AKR1C8: variants seen among roughly 807,000 people sequenced by gnomAD.
The protein encoded by AKR1C8 is aldo-keto reductase family 1 member C-like protein 1.
the AKR1C8 span, among the ~76,000 whole-genome samples, chr10:5,180,751 G>A: frequency 1.1e-4 from 16 of 152,210 alleles, no homozygotes; most frequent in Non-Finnish European, 1.6e-4. Context: ...TGCTGTGCTA[G>A]CAATCAGCTA....
chr10:5,132,509 A>T, the AKR1C8 span: 1 of 1,214,186 alleles, frequency 8.2e-7, no homozygotes, highest in Non-Finnish European at 1.1e-6. Context: ...CAATAAGCAC[A>T]ATTCACCCAC....
At chr10:5,170,483 T>A in the AKR1C8 span, among the ~76,000 whole-genome samples, 5 of 152,100 alleles carry the variant, frequency 3.3e-5, no homozygotes, top group African/African-American at 1.2e-4. Context: ...TGATGGAACT[T>A]TGTTCCATAG....
chr10:5,155,832 A>AGGAGGC, the AKR1C8 span: 2 of 405,158 alleles, frequency 4.9e-6, no homozygotes, highest in Non-Finnish European at 1.0e-5. Context: ...AGGACTTTCC[A>AGGAGGC]GGAGGCAGAG....
the AKR1C8 span, among the ~76,000 whole-genome samples, chr10:5,178,690 A>T: frequency 6.6e-6 from 1 of 152,128 alleles, no homozygotes; most frequent in African/African-American, 2.4e-5. Context: ...TATATTTAGG[A>T]TAGTTAGGTC....
At chr10:5,171,202 T>C in the AKR1C8 span, among the ~76,000 whole-genome samples, 19 of 152,180 alleles carry the variant, frequency 1.2e-4, no homozygotes, top group South Asian at 4.1e-4. Flanking sequence ...AGAGTACCTG[T>C]TAGAGCTTTA....
At chr10:5,167,403 G>C in the AKR1C8 span, among the ~76,000 whole-genome samples, 2 of 152,190 alleles carry the variant, frequency 1.3e-5, no homozygotes, top group Admixed American at 1.3e-4. Flanking sequence ...AACAATGATA[G>C]ACTGGATTAA....
At chr10:5,120,430 T>C in the AKR1C8 span, among the ~76,000 whole-genome samples, 1 of 152,192 alleles carries the variant, frequency 6.6e-6, no homozygotes, top group Non-Finnish European at 1.5e-5. Context: ...TACTGTTTGA[T>C]TACTTGTAGG....
chr10:5,144,016 C>A, the AKR1C8 span, among the ~76,000 whole-genome samples: 2 of 152,022 alleles, frequency 1.3e-5, no homozygotes, highest in South Asian at 2.1e-4. Flanking sequence ...TTGCAAAAGG[C>A]CAGGAAATTG....
chr10:5,171,261 A>G, the AKR1C8 span, among the ~76,000 whole-genome samples: 2 of 152,034 alleles, frequency 1.3e-5, no homozygotes, highest in Admixed American at 1.3e-4. Context: ...CAAGGCAACA[A>G]TTGCTTATGG....
chr10:5,139,843 A>T, the AKR1C8 span, among the ~76,000 whole-genome samples: 5 of 152,318 alleles, frequency 3.3e-5, no homozygotes, highest in Admixed American at 2.6e-4. Flanking sequence ...AGGAACTACC[A>T]TCAGAGTGAA....
chr10:5,156,143 C>T, the AKR1C8 span, among the ~76,000 whole-genome samples: 5 of 152,142 alleles, frequency 3.3e-5, no homozygotes, highest in Admixed American at 2.0e-4. Flanking sequence ...CCTCACTTCC[C>T]GTGGAACCTG....
the AKR1C8 span, among the ~76,000 whole-genome samples, chr10:5,157,216 G>A: frequency 1.3e-5 from 2 of 149,798 alleles, no homozygotes; most frequent in African/African-American, 4.9e-5. Flanking sequence ...CCAGGCCAGG[G>A]GCTTTTGTGG....
the AKR1C8 span, among the ~76,000 whole-genome samples, chr10:5,120,440 G>A: frequency 6.6e-6 from 1 of 152,128 alleles, no homozygotes; most frequent in Non-Finnish European, 1.5e-5. Context: ...TTACTTGTAG[G>A]AATTCTTGTT....
the AKR1C8 span, among the ~76,000 whole-genome samples, chr10:5,151,732 T>C: frequency 6.6e-6 from 1 of 152,086 alleles, no homozygotes; most frequent in African/African-American, 2.4e-5. Context: ...AATTTTTGTA[T>C]TTTCAGTAGA....
the AKR1C8 span, among the ~76,000 whole-genome samples, chr10:5,149,286 A>T: frequency 1.2e-4 from 18 of 152,212 alleles, no homozygotes; most frequent in African/African-American, 4.1e-4. Flanking sequence ...CAGTCCCTAG[A>T]TTTTATCAAA....
the AKR1C8 span, among the ~76,000 whole-genome samples, chr10:5,119,003 G>A: frequency 2.0e-5 from 3 of 151,970 alleles, no homozygotes; most frequent in East Asian, 5.8e-4. Flanking sequence ...GTGCGGAAAT[G>A]TGAAAGACCT....
chr10:5,144,331 G>T, the AKR1C8 span, among the ~76,000 whole-genome samples: 1 of 152,048 alleles, frequency 6.6e-6, no homozygotes, highest in Non-Finnish European at 1.5e-5. Flanking sequence ...TTCTTCTTTT[G>T]GCTTAGGATT....
chr10:5,122,662 T>C, the AKR1C8 span, among the ~76,000 whole-genome samples: 1 of 152,150 alleles, frequency 6.6e-6, no homozygotes, highest in Non-Finnish European at 1.5e-5. Flanking sequence ...GCATAACATC[T>C]ATGTGTCTCA....
the AKR1C8 span, among the ~76,000 whole-genome samples, chr10:5,145,134 G>A: frequency 6.6e-6 from 1 of 151,866 alleles, no homozygotes; most frequent in Non-Finnish European, 1.5e-5. Flanking sequence ...ATAATCATGT[G>A]GTTTTTGTCT....
Sources: gnomAD v4.1 joint callset for allele counts (sites outside exome capture counted in the v4.1 genomes callset) on GRCh38, gnomAD v4.1.1 for gene constraint, MANE v1.5 for transcripts, NCBI Gene and HGNC (gene_info 2026-07-23, HGNC 2026-07-21) for gene names.